The following BCR variants were observed in gnomAD, a reference collection of about 807,000 sequenced individuals.
The protein encoded by BCR is breakpoint cluster region protein.
Under a neutral mutation model 138.6 loss-of-function variants are expected in BCR, and 58 were observed. The observed-to-expected ratio is 0.42, with a 90% confidence interval of 0.34 to 0.52. BCR has a LOEUF of 0.52. Ranked by LOEUF, BCR falls within the 20% of genes least tolerant of loss-of-function variation. The pLI is 0.06. For synonymous variants in BCR, 786 were observed against 730.1 expected, an observed-to-expected ratio of 1.08 and a Z score of -1.23; for missense variants, 1,599 against 1,727.2, an observed-to-expected ratio of 0.93 and a Z score of 1.32.
At chr22:23,214,050 G>A (rs900550918) in intron 1 of BCR, among the ~76,000 whole-genome samples, 2 of 152,116 alleles carry the variant, frequency 1.3e-5, no homozygotes, top group African/African-American at 4.8e-5. Flanking sequence ...TAGAGATGAG[G>A]TGTGCAAAAA....
At chr22:23,216,379 A>G (rs2072752130) in intron 1 of BCR, among the ~76,000 whole-genome samples, 1 of 152,184 alleles carries the variant, frequency 6.6e-6, no homozygotes, top group South Asian at 2.1e-4. Flanking sequence ...CTTTTATGGT[A>G]GTATTATGTG....
Position 23,295,104 on chromosome 22 carries a change from C to T in BCR, c.2961C>T (p.Pro987=). 6.2e-7 allele frequency: 1 copy of T among 1,614,168 alleles called. No homozygotes were observed. Among genetic ancestry groups the T allele is most frequent in the Non-Finnish European group, 8.5e-7 (1 of 1,180,028 alleles). The change falls in exon 16 of 23, where the codon CCC becomes CCT. Residue 987 remains proline, a synonymous_variant. Transcript: ENST00000305877. Reference sequence around the variant, plus strand: ...AGTGTTACAACAAGACGAAGATCCCCAAGGAGGACGGCGAGAGCACGGACA... The same window carrying T: ...AGTGTTACAACAAGACGAAGATCCCTAAGGAGGACGGCGAGAGCACGGACA... ...YEKCYNKTKI[P]KEDGESTDRL... is the part of the protein sequence containing the mutation.
intron 4 of BCR, among the ~76,000 whole-genome samples, chr22:23,268,026 G>T (rs1244030292): frequency 6.6e-6 from 1 of 152,186 alleles, no homozygotes; most frequent in Admixed American, 6.5e-5. Context: ...TGTGTCCAGG[G>T]TACACTCTTG....
intron 1 of BCR, among the ~76,000 whole-genome samples, chr22:23,198,077 G>C (rs2072504083): frequency 6.6e-6 from 1 of 152,124 alleles, no homozygotes; most frequent in Non-Finnish European, 1.5e-5. Flanking sequence ...AGAAAGAAGT[G>C]GGGGAGTTTA....
At chr22:23,205,972 C>T (rs1048396964) in intron 1 of BCR, among the ~76,000 whole-genome samples, 6 of 152,188 alleles carry the variant, frequency 3.9e-5, no homozygotes, top group African/African-American at 1.4e-4. Context: ...CACATCTGTG[C>T]TCAGGAGCTC....
chr22:23,263,288 G>A (rs1257576438), intron 4 of BCR: 67 of 1,144,196 alleles, frequency 5.9e-5, no homozygotes, highest in Non-Finnish European at 7.6e-5. Flanking sequence ...GCCTGGCCCA[G>A]GTGTACCGCT....
intron 20 of BCR, among the ~76,000 whole-genome samples, chr22:23,313,483 G>A (rs983091058): frequency 5.3e-5 from 8 of 152,178 alleles, no homozygotes; most frequent in African/African-American, 9.7e-5. Flanking sequence ...TCTGCCTCCC[G>A]GGCCCATGCA....
chr22:23,289,613 A>G lies in BCR; in HGVS notation c.2699A>G (p.Asn900Ser), dbSNP rs752530462. 38 of 1,601,096 alleles carry G rather than the reference A, an allele frequency of 2.4e-5. No individual in the cohort carries two copies. The highest frequency in any genetic ancestry group is 2.9e-5 in the Non-Finnish European group (34 of 1,176,834). The stretch of plus-strand genomic sequence containing the variant: ...GTCCACAGCATTCCGCTGACCATCA[A>G]TAAGGAAGGTGGGCCCCCCCGTTTC... ...QTVHSIPLTI[N>S]KEDDESPGLY... The change falls in exon 13 of 23, where the codon AAT becomes AGT. Residue 900 changes from asparagine (N) to serine (S), a missense_variant. Physicochemically the swap from Asn to Ser is conservative, Grantham distance 46 (BLOSUM62 1). Transcript: ENST00000305877.
intron 1 of BCR, among the ~76,000 whole-genome samples, chr22:23,247,189 C>T (rs1488738006): frequency 1.3e-5 from 2 of 152,200 alleles, no homozygotes. Context: ...AAGAGGAGGG[C>T]AGGAGCCGGG....
At chr22:23,287,577 G>T (rs1348866160) in intron 11 of BCR, among the ~76,000 whole-genome samples, 2 of 152,188 alleles carry the variant, frequency 1.3e-5, no homozygotes, top group Admixed American at 1.3e-4. Context: ...GCTGTCCTGG[G>T]GCCTTGAGGG....
rs1245904284 is a variant in BCR, at chr22:23,295,065, A to G, written c.2922A>G (p.Ile974Met). ...IELEGSQTLR[I>M]LCYEKCYNKT... ...TGGAGGGCTCCCAGACCCTGAGGAT[A>G]CTGTGCTATGAAAAGTGTTACAACA... is the stretch of plus-strand genomic sequence containing the variant. Residue 974 changes from isoleucine to methionine, a missense_variant, in exon 16 of 23, where the codon ATA (isoleucine) becomes ATG (methionine). Transcript: ENST00000305877. 1 of 1,614,164 alleles carries G rather than the reference A, an allele frequency of 6.2e-7. No individual in the cohort carries two copies. Among genetic ancestry groups the G allele is most frequent in the Admixed American group, 1.7e-5 (1 of 60,016 alleles).
intron 1 of BCR, chr22:23,199,080 C>T (rs1329325898): frequency 9.5e-6 from 3 of 314,884 alleles, no homozygotes; most frequent in Non-Finnish European, 1.9e-5. Flanking sequence ...CAAGATCACA[C>T]CATTGCACGC....
In BCR at chr22:23,290,489, G is replaced by T. The variant is rs1291964032; in HGVS notation, c.2782+76G>T. On this transcript the variant is annotated intron_variant, in intron 14 of 22. Transcript: ENST00000305877. ...ACCCAGGAAGGACTCATCGGGCAGG[G>T]TGTGGGGAAACAGGGAGGTTGTTCA... The T allele has an allele frequency of 1.2e-5, 17 of 1,451,234 alleles. No individual in the cohort carries two copies. In the East Asian group the frequency reaches 3.9e-4, roughly 33 times the overall value. The allele number at this position is 1,451,234 out of a possible 1,614,324, so 89.9% of individuals were successfully genotyped here.
Position 23,303,026 on chromosome 22 carries a change from G to GC in BCR, c.3013-6390dup, listed in dbSNP as rs34228265. On this transcript the variant is annotated intron_variant, in intron 16 of 22. Transcript: ENST00000305877. ...GTCACTCAACCGTCAAGGCTGCATG[G>GC]CCCCCCCCACCCCAATTTAATTCAC... Among the ~76,000 whole-genome samples the GC allele has an allele frequency of 2.3e-4, 34 of 148,990 alleles. No homozygotes were observed. The South Asian group carries it at 2.8e-3, about 12-fold the overall frequency.
chr22:23,288,648 CT>C (rs1390044517), intron 12 of BCR, among the ~76,000 whole-genome samples: 1 of 152,162 alleles, frequency 6.6e-6, no homozygotes, highest in African/African-American at 2.4e-5. Context: ...CTAAAGGGGC[CT>C]TTGGCTGGGC....
chr22:23,243,808 A>G (rs1289867177), intron 1 of BCR, among the ~76,000 whole-genome samples: 3 of 151,730 alleles, frequency 2.0e-5, no homozygotes, highest in African/African-American at 4.8e-5. Flanking sequence ...ACGCCCAGCT[A>G]ATTTTTGTGT....
chr22:23,279,728 G>A (rs2073621065), intron 8 of BCR, among the ~76,000 whole-genome samples: 1 of 152,254 alleles, frequency 6.6e-6, no homozygotes, highest in African/African-American at 2.4e-5. Context: ...TTGATGATCA[G>A]ACTGTAGTTC....
chr22:23,181,719 C>T lies in BCR; in HGVS notation c.759C>T (p.Pro253=), dbSNP rs561354791. 2 of 1,603,970 alleles carry T rather than the reference C, an allele frequency of 1.2e-6. No homozygotes were observed. The highest frequency in any genetic ancestry group is 1.7e-4 in the Middle Eastern group (1 of 6,060). The change falls in exon 1 of 23, where the codon CCC becomes CCT. Residue 253 remains proline (P), a synonymous_variant. Coordinates refer to ENST00000305877, the MANE Select transcript of BCR (RefSeq NM_004327.4). ...ACTACGAGGACGCCGAGTTGAACCC[C>T]CGCTTCCTGAAGGACAACCTGATCG... ...DGDYEDAELN[P]RFLKDNLIDA... is the part of the protein sequence containing the mutation.
At chr22:23,258,776 A>C (rs926566553) in intron 2 of BCR, among the ~76,000 whole-genome samples, 2 of 152,250 alleles carry the variant, frequency 1.3e-5, no homozygotes, top group Non-Finnish European at 2.9e-5. Context: ...CTCCGGGCCT[A>C]GATGTCAGCG....
Sources: gnomAD v4.1 joint callset for allele counts (sites outside exome capture counted in the v4.1 genomes callset) on GRCh38, gnomAD v4.1.1 for gene constraint, MANE v1.5 for transcripts, NCBI Gene and HGNC (gene_info 2026-07-23, HGNC 2026-07-21) for gene names.